Variants in NNT observed in about 807,000 individuals in gnomAD.
The protein encoded by NNT is NAD(P) transhydrogenase, mitochondrial.
In NNT, 50 loss-of-function variants were observed where a neutral mutation model predicts 104.8. That is an observed-to-expected ratio of 0.48 (90% CI 0.38 to 0.60). The LOEUF is 0.60. Among genes scored for constraint, NNT ranks in the 20% least tolerant of loss-of-function variants. The pLI, the probability that NNT is intolerant of heterozygous loss-of-function variation, is 0.00. For synonymous variants in NNT, 461 were observed against 490.4 expected (o/e 0.94, Z 0.79); for missense variants, 1,131 against 1,330.7 (o/e 0.85, Z 2.33).
intron 7 of NNT, among the ~76,000 whole-genome samples, chr5:43,631,044 G>T (rs1384933057): frequency 6.6e-6 from 1 of 152,162 alleles, no homozygotes; most frequent in Non-Finnish European, 1.5e-5. Flanking sequence ...TGAGCTTGTT[G>T]GGGAAAACAA....
intron 5 of NNT, among the ~76,000 whole-genome samples, chr5:43,619,485 A>G (rs78368856): frequency 0.014 from 2,207 of 152,306 alleles, 33 homozygotes; most frequent in Non-Finnish European, 0.025. Flanking sequence ...GCACATATAC[A>G]AGGTATTTTT....
At chr5:43,686,757 T>C (rs528222169) in intron 19 of NNT, among the ~76,000 whole-genome samples, 6 of 152,284 alleles carry the variant, frequency 3.9e-5, no homozygotes, top group Admixed American at 3.3e-4. Flanking sequence ...CAATTGTGTC[T>C]GCCAGGTGTT....
At position 43,614,934 on chromosome 5, in the gene NNT, G is replaced by A. The variant is rs557577114; in HGVS notation, c.382-914G>A. Among the ~76,000 whole-genome samples, 106 of 151,762 alleles carry A rather than the reference G, an allele frequency of 7.0e-4. 1 individual carries two copies. The highest frequency in any genetic ancestry group is 2.5e-3 in the African/African-American group (104 of 41,344). On this transcript the variant is annotated intron_variant, in intron 3 of 21. Transcript: ENST00000344920. ...GGGTGGATCATGAGGTCAGGAGATC[G>A]AGACCATCCTGGCTAACAAGGTGAA...
intron 19 of NNT, among the ~76,000 whole-genome samples, chr5:43,681,544 C>T (rs560272278): frequency 1.1e-4 from 16 of 151,952 alleles, no homozygotes; most frequent in Non-Finnish European, 1.8e-4. Context: ...GGACTACAGG[C>T]GCATACCACC....
Position 43,616,086 on chromosome 5 carries a change from A to G in NNT, c.599+21A>G, listed in dbSNP as rs759109020. The G allele has an allele frequency of 1.3e-5, 21 of 1,600,570 alleles. No homozygotes were observed. In the South Asian group the frequency reaches 1.9e-4, roughly 14 times the overall value. On this transcript the variant is annotated intron_variant, in intron 4 of 21. Transcript: ENST00000344920. ...GCGGGGTAGGTTCTTTTCCATTTCA[A>G]TTGAACAAAAGCGCAATAGTGCTAC...
At chr5:43,650,018 A>G (rs151205948) in intron 11 of NNT, among the ~76,000 whole-genome samples, 47 of 152,338 alleles carry the variant, frequency 3.1e-4, no homozygotes, top group African/African-American at 1.1e-3. Context: ...TCTAGCTCCA[A>G]GAGGTGCTGT....
intron 7 of NNT, among the ~76,000 whole-genome samples, chr5:43,643,654 C>A (rs1751351463): frequency 6.6e-6 from 1 of 152,112 alleles, no homozygotes; most frequent in South Asian, 2.1e-4. Context: ...ATTTTCCTGT[C>A]TCTCCTCAAA....
At chr5:43,635,289 C>T (rs1199602383) in intron 7 of NNT, among the ~76,000 whole-genome samples, 5 of 152,200 alleles carry the variant, frequency 3.3e-5, no homozygotes, top group South Asian at 2.1e-4. Context: ...ATTTGGGATT[C>T]GGGTTAGGAC....
At chr5:43,698,302 G>T (rs1432894445) in intron 19 of NNT, among the ~76,000 whole-genome samples, 2 of 151,806 alleles carry the variant, frequency 1.3e-5, no homozygotes, top group Non-Finnish European at 1.5e-5. Flanking sequence ...CCCAGCTGGG[G>T]CCATTGTCTC....
chr5:43,695,297 C>G (rs1041145290), intron 19 of NNT, among the ~76,000 whole-genome samples: 10 of 152,144 alleles, frequency 6.6e-5, no homozygotes, highest in African/African-American at 2.2e-4. Context: ...AACCTCTTCC[C>G]TGATGCGCCT....
intron 19 of NNT, among the ~76,000 whole-genome samples, chr5:43,690,566 A>C (rs1328075371): frequency 1.3e-5 from 2 of 152,216 alleles, no homozygotes; most frequent in Non-Finnish European, 2.9e-5. Flanking sequence ...TTTGAGAGGC[A>C]GTTAGTACTG....
intron 1 of NNT, among the ~76,000 whole-genome samples, chr5:43,604,703 G>A (rs1035074242): frequency 6.6e-6 from 1 of 152,048 alleles, no homozygotes; most frequent in Non-Finnish European, 1.5e-5. Flanking sequence ...TTCAAGTCTC[G>A]CTCTGTTGTC....
At chr5:43,665,527 G>A (rs1369640671) in intron 17 of NNT, among the ~76,000 whole-genome samples, 1 of 152,172 alleles carries the variant, frequency 6.6e-6, no homozygotes, top group African/African-American at 2.4e-5. Flanking sequence ...CACAGCACAT[G>A]TTTCAGAAAG....
intron 12 of NNT, among the ~76,000 whole-genome samples, chr5:43,651,470 C>T (rs938229697): frequency 2.0e-5 from 3 of 151,814 alleles, no homozygotes; most frequent in Admixed American, 6.6e-5. Flanking sequence ...CCCAGCCACT[C>T]GGGGGGCTGA....
At chr5:43,657,999 G>C (rs1740146523) in intron 16 of NNT, among the ~76,000 whole-genome samples, 1 of 152,064 alleles carries the variant, frequency 6.6e-6, no homozygotes, top group Non-Finnish European at 1.5e-5. Flanking sequence ...GCCGGGTGTG[G>C]TAGTCTGCGC....
At chr5:43,633,104 C>G (rs1373628886) in intron 7 of NNT, among the ~76,000 whole-genome samples, 1 of 152,110 alleles carries the variant, frequency 6.6e-6, no homozygotes, top group East Asian at 1.9e-4. Context: ...TTAGGGGAAC[C>G]ATAGCTATTC....
intron 19 of NNT, among the ~76,000 whole-genome samples, chr5:43,681,996 TG>T (rs1741744270): frequency 6.6e-6 from 1 of 152,124 alleles, no homozygotes; most frequent in South Asian, 2.1e-4. Flanking sequence ...TGAAATATCT[TG>T]CATGTTTTTA....
rs2111571364 is a variant in NNT at position 43,615,967 on chromosome 5, T to G, written c.501T>G (p.Leu167=). The change falls in exon 4 of 22, where the codon CTT becomes CTG. Residue 167 remains leucine, a synonymous_variant. Transcript: ENST00000344920. ...AAAATCCAGAGTTGCTAAATAAACT[T>G]TCCCAAAGAAAAACTACAGTTCTGG... ...PAQNPELLNK[L]SQRKTTVLAM... 1.2e-6 allele frequency: 2 copies of G among 1,614,176 alleles called. No homozygotes were observed. Among genetic ancestry groups the G allele is most frequent in the South Asian group, 2.2e-5 (2 of 91,086 alleles).
At position 43,704,620 on chromosome 5, in the gene NNT, G is replaced by A. The variant is rs187591100; in HGVS notation, c.*216G>A. ...GATTGAAAATTCTAAATGTCTTTCTGTGCATATTTTTTGTGTTAGGAATCA... is the reference window on the plus strand; with the variant it reads ...GATTGAAAATTCTAAATGTCTTTCTATGCATATTTTTTGTGTTAGGAATCA... On this transcript the variant is annotated 3_prime_UTR_variant, in exon 22 of 22. Coordinates refer to ENST00000344920, the MANE Select transcript of NNT (RefSeq NM_182977.3). 1.6e-5 allele frequency: 7 copies of A among 440,980 alleles called. No individual in the cohort carries two copies. The highest frequency in any genetic ancestry group is 4.2e-5 in the East Asian group (1 of 23,878). The allele number at this position is 440,980 out of a possible 1,614,324, so 27.3% of individuals were successfully genotyped here. A position where few individuals can be genotyped will look rare whatever the true frequency, so the allele number is the denominator to read the frequency against.
Sources: allele counts gnomAD v4.1 joint callset (sites outside exome capture counted in the v4.1 genomes callset), GRCh38; gene constraint gnomAD v4.1.1; transcripts MANE v1.5; gene names NCBI Gene and HGNC (gene_info 2026-07-23, HGNC 2026-07-21).